CA8: variants seen among roughly 807,000 people sequenced by gnomAD.
CA8 encodes carbonic anhydrase 8 (inactive).
Under a neutral mutation model 41.4 loss-of-function variants are expected in CA8, and 22 were observed. That is an observed-to-expected ratio of 0.53 (90% CI 0.38 to 0.76). The LOEUF is 0.76. Among genes scored for constraint, CA8 ranks in the 30% least tolerant of loss-of-function variants. The pLI is 0.00. For synonymous variants in CA8, 121 were observed against 130.6 expected (o/e 0.93, Z 0.50); for missense variants, 270 against 352.8 (o/e 0.77, Z 1.88).
chr8:60,227,205 C>A (rs921455883), intron 4 of CA8, among the ~76,000 whole-genome samples: 17 of 151,972 alleles, frequency 1.1e-4, no homozygotes, highest in African/African-American at 4.1e-4. Context: ...GAAGAAGAAT[C>A]GCTTGAACCC....
At chr8:60,275,725 G>A (rs569136201) in intron 2 of CA8, among the ~76,000 whole-genome samples, 6 of 152,200 alleles carry the variant, frequency 3.9e-5, no homozygotes, top group Admixed American at 3.3e-4. Flanking sequence ...TATCTTGACT[G>A]GAAAAACCTA....
At chr8:60,201,224 T>C (rs529814424) in intron 8 of CA8, among the ~76,000 whole-genome samples, 4 of 152,330 alleles carry the variant, frequency 2.6e-5, no homozygotes, top group African/African-American at 9.6e-5. Context: ...TTGACACATC[T>C]AAAAGAAAAG....
intron 3 of CA8, among the ~76,000 whole-genome samples, chr8:60,239,779 T>C (rs937778903): frequency 6.6e-6 from 1 of 152,204 alleles, no homozygotes; most frequent in Non-Finnish European, 1.5e-5. Flanking sequence ...CCCCCCATAC[T>C]GTCCTCGTGG....
At chr8:60,195,226 T>G (rs1171621805) in intron 8 of CA8, among the ~76,000 whole-genome samples, 1 of 152,216 alleles carries the variant, frequency 6.6e-6, no homozygotes, top group African/African-American at 2.4e-5. Flanking sequence ...TAAGAAGTCT[T>G]CTAAATCATC....
At chr8:60,256,692 C>G (rs953581868) in intron 3 of CA8, among the ~76,000 whole-genome samples, 24 of 152,158 alleles carry the variant, frequency 1.6e-4, no homozygotes, top group Admixed American at 6.5e-5. Flanking sequence ...GAAGTTTTAT[C>G]ATAGTATTGC....
chr8:60,270,449 T>C (rs910775448), intron 2 of CA8, among the ~76,000 whole-genome samples: 1 of 152,244 alleles, frequency 6.6e-6, no homozygotes, highest in Non-Finnish European at 1.5e-5. Flanking sequence ...GGAGTCTTGC[T>C]CTGTCATCCA....
At chr8:60,218,148 C>A (rs537990032) in intron 7 of CA8, among the ~76,000 whole-genome samples, 2 of 152,292 alleles carry the variant, frequency 1.3e-5, no homozygotes, top group East Asian at 3.9e-4. Flanking sequence ...GACACTTTTC[C>A]CCTGTTGGCA....
chr8:60,225,456 G>A (rs1807400272), intron 5 of CA8, among the ~76,000 whole-genome samples: 2 of 152,124 alleles, frequency 1.3e-5, no homozygotes, highest in African/African-American at 4.8e-5. Flanking sequence ...ATGAAATAAA[G>A]GAAATTTTCT....
intron 3 of CA8, among the ~76,000 whole-genome samples, chr8:60,241,354 T>C (rs950148279): frequency 6.6e-6 from 1 of 152,236 alleles, no homozygotes; most frequent in Non-Finnish European, 1.5e-5. Context: ...AATAGGGGAA[T>C]GTGACAGAGG....
intron 3 of CA8, among the ~76,000 whole-genome samples, chr8:60,260,192 C>T (rs1297312469): frequency 6.6e-6 from 1 of 152,146 alleles, no homozygotes; most frequent in African/African-American, 2.4e-5. Flanking sequence ...GAGGTTGTGG[C>T]CCTGAGCTAA....
At position 60,281,268 on chromosome 8, in the gene CA8, G is replaced by A; in HGVS notation, c.-121C>T. The A allele has an allele frequency of 2.8e-6, 2 of 703,820 alleles. No homozygotes were observed. Among genetic ancestry groups the A allele is most frequent in the East Asian group, 5.4e-5 (2 of 36,850 alleles). 43.6% of individuals were successfully genotyped at this position (703,820 alleles called of 1,614,324 possible). On this transcript the variant is annotated 5_prime_UTR_variant, in exon 1 of 9. Coordinates refer to ENST00000317995, the MANE Select transcript of CA8 (RefSeq NM_004056.6). ...TGTGAGCACGCGTGAGCGGCAGTGTGAGTGCGAGAGCGCCTCCGGGTGTGA... is the reference window on the plus strand; with the variant it reads ...TGTGAGCACGCGTGAGCGGCAGTGTAAGTGCGAGAGCGCCTCCGGGTGTGA...
chr8:60,209,780 C>A (rs751945554), intron 7 of CA8, among the ~76,000 whole-genome samples: 19 of 152,164 alleles, frequency 1.2e-4, no homozygotes, highest in Non-Finnish European at 2.8e-4. Context: ...TATTGATTTT[C>A]AAGTTCATTT....
intron 3 of CA8, among the ~76,000 whole-genome samples, chr8:60,247,788 T>C (rs182746570): frequency 6.6e-6 from 1 of 152,358 alleles, no homozygotes; most frequent in Admixed American, 6.5e-5. Context: ...GGATTGCGTA[T>C]CAAATGGTAT....
intron 8 of CA8, among the ~76,000 whole-genome samples, chr8:60,197,971 A>C (rs545027396): frequency 6.6e-6 from 1 of 152,358 alleles, no homozygotes; most frequent in Non-Finnish European, 1.5e-5. Flanking sequence ...TGTAGAGGGT[A>C]CTTCAGCAAA....
At chr8:60,200,871 G>T (rs183344990) in intron 8 of CA8, among the ~76,000 whole-genome samples, 2 of 151,970 alleles carry the variant, frequency 1.3e-5, no homozygotes, top group African/African-American at 4.8e-5. Flanking sequence ...AGGTCTTCTT[G>T]TCTTTTATTA....
chr8:60,210,071 A>G (rs1467648244), intron 7 of CA8, among the ~76,000 whole-genome samples: 1 of 152,196 alleles, frequency 6.6e-6, no homozygotes, highest in Admixed American at 6.5e-5. Context: ...TTCATTCCAT[A>G]TACAGAAGGG....
rs1805991435 is a variant in CA8 at position 60,187,301 on chromosome 8, C to T, written c.*2720G>A. ...GAATGAAAACAAAAACATGGCATAC[C>T]AAAACTTATTGGATGCAGCTAAAGC... On this transcript the variant is annotated 3_prime_UTR_variant, in exon 9 of 9. Coordinates refer to ENST00000317995, the MANE Select transcript of CA8 (RefSeq NM_004056.6). 6.6e-6 allele frequency: 1 copy of T among 151,782 alleles called. No individual in the cohort carries two copies. Among genetic ancestry groups the T allele is most frequent in the Admixed American group, 6.6e-5 (1 of 15,226 alleles). 9.4% of individuals were successfully genotyped at this position (151,782 alleles called of 1,614,324 possible).
chr8:60,223,670 C>T (rs1000968521), intron 6 of CA8, among the ~76,000 whole-genome samples: 7 of 152,150 alleles, frequency 4.6e-5, no homozygotes, highest in African/African-American at 1.7e-4. Context: ...TACAATAAAA[C>T]AAAATGAGTC....
chr8:60,229,174 T>C (rs1807551717), intron 4 of CA8, among the ~76,000 whole-genome samples: 1 of 152,082 alleles, frequency 6.6e-6, no homozygotes, highest in Non-Finnish European at 1.5e-5. Context: ...TTTTTTTGTT[T>C]TTTACTTCTA....
Sources: allele counts gnomAD v4.1 joint callset (sites outside exome capture counted in the v4.1 genomes callset), GRCh38; gene constraint gnomAD v4.1.1; transcripts MANE v1.5; gene names NCBI Gene and HGNC (gene_info 2026-07-23, HGNC 2026-07-21).